The following NSUN3 variants were observed in gnomAD, a reference collection of about 807,000 sequenced individuals.
The protein encoded by NSUN3 is tRNA (cytosine(34)-C(5))-methyltransferase, mitochondrial.
Under a neutral mutation model 36.8 loss-of-function variants are expected in NSUN3, and 24 were observed. The observed-to-expected ratio is 0.65, with a 90% confidence interval of 0.47 to 0.92. NSUN3 has a LOEUF of 0.92. NSUN3 is among the 40% of genes least tolerant of loss of function. NSUN3 has a pLI of 0.00. For synonymous variants in NSUN3, 146 were observed against 145.2 expected (o/e 1.01, Z -0.04); for missense variants, 381 against 392.8 (o/e 0.97, Z 0.25).
intron 5 of NSUN3, among the ~76,000 whole-genome samples, chr3:94,116,164 T>C (rs145326809): frequency 6.6e-6 from 1 of 151,698 alleles, no homozygotes; most frequent in East Asian, 2.0e-4. Flanking sequence ...TGTAGATTAG[T>C]CTGGGAATGT....
intron 2 of NSUN3, among the ~76,000 whole-genome samples, chr3:94,071,437 GAGTC>G (rs2077224482): frequency 6.6e-6 from 1 of 152,156 alleles, no homozygotes; most frequent in Non-Finnish European, 1.5e-5. Flanking sequence ...TGTTAAAGAT[GAGTC>G]AGTCTATGAA....
In NSUN3 at chr3:94,127,531, C is replaced by T. The variant is rs2077492482; in HGVS notation, c.*1041C>T. On this transcript the variant is annotated 3_prime_UTR_variant, in exon 6 of 6. Coordinates refer to ENST00000314622, the MANE Select transcript of NSUN3 (RefSeq NM_022072.5). ...ACATAAATCCTGGGAATACTGTATA[C>T]ATTTCTTCTTATGTACTTAGGGTTT... 1 of 152,146 alleles carries T rather than the reference C, an allele frequency of 6.6e-6. No homozygotes were observed. Among genetic ancestry groups the T allele is most frequent in the African/African-American group, 2.4e-5 (1 of 41,430 alleles). 9.4% of individuals were successfully genotyped at this position (152,146 alleles called of 1,614,324 possible). A position where few individuals can be genotyped will look rare whatever the true frequency, so the allele number is the denominator to read the frequency against.
intron 3 of NSUN3, among the ~76,000 whole-genome samples, chr3:94,090,201 GA>G (rs558353295): frequency 4.8e-4 from 71 of 148,606 alleles, no homozygotes; most frequent in Admixed American, 1.5e-3. Context: ...CTGTTAAGAT[GA>G]AAAAAAAAAT....
chr3:94,069,851 T>C (rs575389138), intron 2 of NSUN3, among the ~76,000 whole-genome samples: 1 of 152,256 alleles, frequency 6.6e-6, no homozygotes, highest in African/African-American at 2.4e-5. Context: ...CCCATATAAA[T>C]GAGTTAGGGA....
chr3:94,082,513 AGTTTCAC>A (rs1238140501), intron 2 of NSUN3, among the ~76,000 whole-genome samples: 1 of 152,172 alleles, frequency 6.6e-6, no homozygotes, highest in Non-Finnish European at 1.5e-5. Context: ...AGGAGAAAGC[AGTTTCAC>A]GTATTAGCCC....
At chr3:94,094,022 A>G in intron 3 of NSUN3, 118 bp from the exon 4 acceptor site, 1 of 698,466 alleles carries the variant, frequency 1.4e-6, no homozygotes, top group Non-Finnish European at 2.4e-6. Flanking sequence ...TTTACCTCTG[A>G]GCCCTATTTC....
intron 2 of NSUN3, among the ~76,000 whole-genome samples, chr3:94,070,754 T>TCAAAACCTC: frequency 6.6e-6 from 1 of 152,308 alleles, no homozygotes; most frequent in East Asian, 1.9e-4. Context: ...CTCCAGGTAT[T>TCAAAACCTC]CAAAACCTCC....
intron 5 of NSUN3, among the ~76,000 whole-genome samples, chr3:94,103,764 A>T (rs1367382074): frequency 6.6e-6 from 1 of 152,168 alleles, no homozygotes; most frequent in Non-Finnish European, 1.5e-5. Context: ...ACACGATCTG[A>T]TTAATGCAAG....
Position 94,130,202 on chromosome 3 carries a change from C to T in NSUN3, c.*3712C>T, listed in dbSNP as rs2107279474. 6.6e-6 allele frequency among the ~76,000 whole-genome samples: 1 copy of T among 152,240 alleles called. No homozygotes were observed. Among genetic ancestry groups the T allele is most frequent in the Middle Eastern group, 3.4e-3 (1 of 294 alleles). ...AGGGTTCAGCCAATGTATAGACAGA[C>T]TGTATAGATATATGAAGTGGGGGTG... On this transcript the variant is annotated 3_prime_UTR_variant, in exon 6 of 6. Transcript: ENST00000314622.
intron 3 of NSUN3, among the ~76,000 whole-genome samples, chr3:94,092,638 T>C (rs1409666484): frequency 1.3e-5 from 2 of 151,856 alleles, no homozygotes; most frequent in African/African-American, 4.8e-5. Flanking sequence ...GCACGGTGGC[T>C]CATGTCTGTA....
At chr3:94,116,014 G>A (rs2077438366) in intron 5 of NSUN3, among the ~76,000 whole-genome samples, 1 of 152,052 alleles carries the variant, frequency 6.6e-6, no homozygotes, top group Admixed American at 6.6e-5. Context: ...TTTAGGTTTT[G>A]TTTTGTTTTA....
chr3:94,125,175 C>G (rs2077480461), intron 5 of NSUN3, among the ~76,000 whole-genome samples: 2 of 152,132 alleles, frequency 1.3e-5, no homozygotes, highest in African/African-American at 2.4e-5. Flanking sequence ...TCATATTTCT[C>G]TTTTGTTCCC....
In NSUN3 at chr3:94,076,655, T is replaced by A. The variant is rs910859450; in HGVS notation, c.123-7452T>A. On this transcript the variant is annotated intron_variant, in intron 2 of 5. Transcript: ENST00000314622. ...CCCATAGCCTTTTTTCTGATGTCCA[T>A]GGAGACGCAAGTCTGAGTTGCAGTC... 31 of 1,070,700 alleles carry A rather than the reference T, an allele frequency of 2.9e-5. No homozygotes were observed. In the African/African-American group the frequency reaches 4.5e-4, roughly 16 times the overall value. 66.3% of individuals were successfully genotyped at this position (1,070,700 alleles called of 1,614,324 possible).
Position 94,094,284 on chromosome 3 carries a change from TG to T in NSUN3, c.612del (p.Met204IlefsTer6). The T allele has an allele frequency of 6.2e-7, 1 of 1,612,038 alleles. No individual in the cohort carries two copies. The highest frequency in any genetic ancestry group is 8.5e-7 in the Non-Finnish European group (1 of 1,179,412). ...AAAATGGGAGATGCCCAGCCTGAAA[TG>T]TTTGACAAGGTACTTTTATTACATT... ...GRKMGDAQPE[M>X]FDKVLVDAPC... On this transcript the variant is annotated frameshift_variant, in exon 4 of 6. Coordinates refer to ENST00000314622, the MANE Select transcript of NSUN3 (RefSeq NM_022072.5). LOFTEE classifies it high-confidence loss of function.
intron 5 of NSUN3, among the ~76,000 whole-genome samples, chr3:94,124,731 G>T (rs539491032): frequency 1.3e-5 from 2 of 152,236 alleles, no homozygotes; most frequent in African/African-American, 4.8e-5. Context: ...AAGGAATTTT[G>T]CAGGGACACA....
rs145383776 is a variant in NSUN3 at position 94,129,309 on chromosome 3, A to T, written c.*2819A>T. Among the ~76,000 whole-genome samples the T allele has an allele frequency of 7.2e-5, 11 of 152,366 alleles. No individual in the cohort carries two copies. The highest frequency in any genetic ancestry group is 2.4e-4 in the African/African-American group (10 of 41,594). ...AAATGTGGTACATATACCTCGTGTA[A>T]TATTACACAGTGATAAAAAAGAATG... On this transcript the variant is annotated 3_prime_UTR_variant, in exon 6 of 6. Coordinates refer to ENST00000314622, the MANE Select transcript of NSUN3 (RefSeq NM_022072.5).
chr3:94,116,236 T>C (rs1239406473), intron 5 of NSUN3, among the ~76,000 whole-genome samples: 1 of 152,214 alleles, frequency 6.6e-6, no homozygotes, highest in Non-Finnish European at 1.5e-5. Flanking sequence ...AGCCAGTTTC[T>C]TAAAAGGCTT....
intron 3 of NSUN3, among the ~76,000 whole-genome samples, chr3:94,093,373 G>T (rs1020876722): frequency 6.6e-6 from 1 of 151,510 alleles, no homozygotes; most frequent in East Asian, 1.9e-4. Context: ...TTGAGCAAAG[G>T]CTTTACAATG....
chr3:94,064,968 A>C (rs777897258), intron 2 of NSUN3, among the ~76,000 whole-genome samples: 5 of 152,232 alleles, frequency 3.3e-5, no homozygotes, highest in Admixed American at 1.3e-4. Flanking sequence ...TTTGGTAATC[A>C]TATTTCTTTC....
Sources: gnomAD v4.1 joint callset for allele counts (sites outside exome capture counted in the v4.1 genomes callset) on GRCh38, gnomAD v4.1.1 for gene constraint, MANE v1.5 for transcripts, NCBI Gene and HGNC (gene_info 2026-07-23, HGNC 2026-07-21) for gene names.